The following CADPS variants were observed in gnomAD, a reference collection of about 807,000 sequenced individuals.
The protein encoded by CADPS is calcium dependent secretion activator.
In CADPS, 57 loss-of-function variants were observed where a neutral mutation model predicts 167.3. That is an observed-to-expected ratio of 0.34 (90% CI 0.28 to 0.42). The LOEUF (loss-of-function observed/expected upper bound fraction) is 0.42. Among genes scored for constraint, CADPS ranks in the 20% least tolerant of loss-of-function variants. The probability of loss-of-function intolerance (pLI) is 1.00; values close to 1 mark genes in which losing one functional copy is unlikely to be tolerated. For missense variants in CADPS, 1,414 were observed against 1,738.1 expected (o/e 0.81, Z 3.32); for synonymous variants, 676 against 635.3 (o/e 1.06, Z -0.96).
chr3:62,676,499 C>T (rs1359881248), intron 3 of CADPS, among the ~76,000 whole-genome samples: 1 of 152,094 alleles, frequency 6.6e-6, no homozygotes, highest in African/African-American at 2.4e-5. Context: ...GCTACCTATT[C>T]ATTTTATTTC....
At chr3:62,703,930 C>A (rs79462448) in intron 3 of CADPS, among the ~76,000 whole-genome samples, 10,758 of 152,140 alleles carry the variant, frequency 0.071, 466 homozygotes, top group South Asian at 0.16. Flanking sequence ...AATAGGGTGT[C>A]CACAAATGAA....
At chr3:62,561,187 T>G (rs1184962824) in intron 9 of CADPS, among the ~76,000 whole-genome samples, 1 of 151,568 alleles carries the variant, frequency 6.6e-6, no homozygotes, top group Non-Finnish European at 1.5e-5. Flanking sequence ...ATTCTTTAAG[T>G]CAGACCAGAA....
chr3:62,631,854 A>T (rs1192136537), intron 6 of CADPS, among the ~76,000 whole-genome samples: 2 of 152,182 alleles, frequency 1.3e-5, no homozygotes, highest in Admixed American at 6.5e-5. Context: ...AGCCGAAGAG[A>T]TAGAGGTCTC....
At chr3:62,629,973 A>G (rs1428239635) in intron 6 of CADPS, among the ~76,000 whole-genome samples, 1 of 151,954 alleles carries the variant, frequency 6.6e-6, no homozygotes, top group Non-Finnish European at 1.5e-5. Flanking sequence ...TTCCCATCAC[A>G]CCAGTGATTT....
chr3:62,738,357 A>G (rs1380671682), intron 3 of CADPS, among the ~76,000 whole-genome samples: 3 of 152,202 alleles, frequency 2.0e-5, no homozygotes, highest in South Asian at 2.1e-4. Flanking sequence ...AAAACTGCCA[A>G]TTAAAAGCAT....
chr3:62,503,658 C>T (rs758937989), intron 17 of CADPS, among the ~76,000 whole-genome samples: 6 of 152,260 alleles, frequency 3.9e-5, no homozygotes, highest in East Asian at 3.9e-4. Flanking sequence ...TTGGAATTCT[C>T]GTGGCTTTTA....
chr3:62,433,178 A>T lies in CADPS; in HGVS notation c.3777+4926T>A, dbSNP rs1011152605. Among the ~76,000 whole-genome samples the T allele has an allele frequency of 3.3e-5, 5 of 152,186 alleles. No individual in the cohort carries two copies. The highest frequency in any genetic ancestry group is 7.4e-5 in the Non-Finnish European group (5 of 68,024). On this transcript the variant is annotated intron_variant, in intron 28 of 29. Transcript: ENST00000383710. The surrounding 1 kb of genome is among the most constrained non-coding windows in gnomAD (Gnocchi z 4.7). ...AGTAATTTAATAAGGTTGTTAAAATAAGGGTATCTGTGGTTTCATATATAA... is the reference window on the plus strand; with the variant it reads ...AGTAATTTAATAAGGTTGTTAAAATTAGGGTATCTGTGGTTTCATATATAA...
chr3:62,610,942 T>C (rs1457925037), intron 6 of CADPS, among the ~76,000 whole-genome samples: 1 of 151,730 alleles, frequency 6.6e-6, no homozygotes, highest in Non-Finnish European at 1.5e-5. Flanking sequence ...AGAGACTCAT[T>C]TTTCGGCTGT....
At chr3:62,623,479 C>A (rs181723173) in intron 6 of CADPS, among the ~76,000 whole-genome samples, 24 of 152,278 alleles carry the variant, frequency 1.6e-4, no homozygotes, top group African/African-American at 4.6e-4. Context: ...AAAATCAAGT[C>A]CTATCCCTGG....
At chr3:62,500,600 T>C (rs183807536) in intron 17 of CADPS, 108 of 152,288 alleles carry the variant, frequency 7.1e-4, no homozygotes, top group African/African-American at 2.5e-3. Context: ...ATAAACATCA[T>C]TTAGTAGAAT....
Position 62,423,900 on chromosome 3 carries a change from T to C in CADPS, c.3777+14204A>G, listed in dbSNP as rs1209726372. ...TCTCTAATGTACAGTCAGGAAAATA[T>C]ACATTTAGAAAACTCTAAATAAATG... is the stretch of plus-strand genomic sequence containing the variant. On this transcript the variant is annotated intron_variant, in intron 28 of 29. Coordinates refer to ENST00000383710, the MANE Select transcript of CADPS (RefSeq NM_003716.4). Among the ~76,000 whole-genome samples, 3 of 152,344 alleles carry C rather than the reference T, an allele frequency of 2.0e-5. No individual in the cohort carries two copies. In the South Asian group the frequency reaches 6.2e-4, roughly 32 times the overall value.
rs2058989013 is a variant in CADPS at position 62,458,705 on chromosome 3, T to C, written c.3636+6662A>G. On this transcript the variant is annotated intron_variant, in intron 26 of 29. Transcript: ENST00000383710. This position sits in a 1 kb window ranked among gnomAD's most constrained non-coding sequence, Gnocchi z 4.6. ...AGTTTCACCATGTTGGCCAGGCTGG[T>C]CTCAAATTCCTGACCTCAGGTGATC... 6.6e-6 allele frequency among the ~76,000 whole-genome samples: 1 copy of C among 152,110 alleles called. No individual in the cohort carries two copies. Among genetic ancestry groups the C allele is most frequent in the South Asian group, 2.1e-4 (1 of 4,818 alleles).
chr3:62,633,380 A>G lies in CADPS; in HGVS notation c.1325+12342T>C, dbSNP rs1030569202. Among the ~76,000 whole-genome samples, 7 of 152,116 alleles carry G rather than the reference A, an allele frequency of 4.6e-5. No homozygotes were observed. The South Asian group carries it at 1.4e-3, about 32-fold the overall frequency. ...GCAGCCACACTGATCTGTTAAATAC[A>G]TAAATCCAACCAGGTTACTTTGGGA... On this transcript the variant is annotated intron_variant, in intron 6 of 29. Transcript: ENST00000383710.
intron 9 of CADPS, among the ~76,000 whole-genome samples, chr3:62,568,037 C>T (rs995719386): frequency 1.3e-5 from 2 of 152,284 alleles, no homozygotes; most frequent in Non-Finnish European, 2.9e-5. Context: ...CAAGTGCCAT[C>T]CCTTCTTCCT....
intron 9 of CADPS, among the ~76,000 whole-genome samples, chr3:62,566,394 A>C (rs2080200584): frequency 6.8e-6 from 1 of 146,064 alleles, no homozygotes; most frequent in Non-Finnish European, 1.5e-5. Flanking sequence ...TTGGGGGCCA[A>C]TTGCCACCGC....
chr3:62,791,045 T>C (rs541633), intron 1 of CADPS, among the ~76,000 whole-genome samples: 140,902 of 151,840 alleles, frequency 0.93, 65,420 homozygotes, highest in East Asian at 1. Context: ...GCAATATTTC[T>C]GTTTCCCATC....
At chr3:62,595,935 G>T (rs1203112470) in intron 6 of CADPS, among the ~76,000 whole-genome samples, 5 of 152,072 alleles carry the variant, frequency 3.3e-5, no homozygotes, top group Admixed American at 2.6e-4. Context: ...TCCCATGCTG[G>T]ATGCTTCTTG....
rs963670409 is a variant in CADPS at position 62,601,966 on chromosome 3, C to T, written c.1326-9218G>A. Reference sequence around the variant, plus strand: ...GGGAGCATCTGCTTGATCACAGTCGCATCTCTGTTTACTATTTAAAGCCTC... The same window carrying T: ...GGGAGCATCTGCTTGATCACAGTCGTATCTCTGTTTACTATTTAAAGCCTC... On this transcript the variant is annotated intron_variant, in intron 6 of 29. Coordinates refer to ENST00000383710, the MANE Select transcript of CADPS (RefSeq NM_003716.4). The surrounding 1 kb of genome is among the most constrained non-coding windows in gnomAD (Gnocchi z 4.3). 6.6e-6 allele frequency among the ~76,000 whole-genome samples: 1 copy of T among 152,144 alleles called. No individual in the cohort carries two copies. Among genetic ancestry groups the T allele is most frequent in the Non-Finnish European group, 1.5e-5 (1 of 68,026 alleles).
intron 3 of CADPS, among the ~76,000 whole-genome samples, chr3:62,719,091 G>A (rs772474280): frequency 1.3e-5 from 2 of 152,178 alleles, no homozygotes; most frequent in Non-Finnish European, 1.5e-5. Flanking sequence ...CCTTAAATGA[G>A]CTGAGTCCCT....
Sources: allele counts gnomAD v4.1 joint callset (sites outside exome capture counted in the v4.1 genomes callset), GRCh38; gene constraint gnomAD v4.1.1; non-coding constraint Gnocchi (gnomAD v3.1); transcripts MANE v1.5; gene names NCBI Gene and HGNC (gene_info 2026-07-23, HGNC 2026-07-21).